POTEJ: variants seen among roughly 807,000 people sequenced by gnomAD.
POTEJ encodes the protein POTE ankyrin domain family, member J.
POTEJ carries 11 observed loss-of-function variants against 69.0 expected under a neutral mutation model. The ratio of observed to expected loss-of-function variants is 0.16; its 90% CI spans 0.10 to 0.26. The LOEUF is 0.26. Ranked by LOEUF, POTEJ falls within the 10% of genes least tolerant of loss-of-function variation. The pLI, the probability that POTEJ is intolerant of heterozygous loss-of-function variation, is 1.00. For missense variants in POTEJ, 327 were observed against 1,045.5 expected (o/e 0.31, Z 9.48); for synonymous variants, 117 against 381.1 (o/e 0.31, Z 8.07).
chr2:130,612,534 G>A (rs1414472888), intron 1 of POTEJ, among the ~76,000 whole-genome samples: 1 of 152,294 alleles, frequency 6.6e-6, no homozygotes, highest in Non-Finnish European at 1.5e-5. Flanking sequence ...TGGGAGGCGG[G>A]CGGATCACGA....
intron 1 of POTEJ, among the ~76,000 whole-genome samples, chr2:130,614,574 A>C (rs544058480): frequency 6.7e-6 from 1 of 148,666 alleles, no homozygotes; most frequent in Admixed American, 6.6e-5. Flanking sequence ...ACACATATAC[A>C]CGAACAGAAT....
At position 130,611,700 on chromosome 2, in the gene POTEJ, A is replaced by C. The variant is rs777955434; in HGVS notation, c.168A>C (p.Thr56=). The C allele has an allele frequency of 7.1e-7, 1 of 1,409,094 alleles. No homozygotes were observed. The highest frequency in any genetic ancestry group is 2.6e-5 in the East Asian group (1 of 38,464). The allele number at this position is 1,409,094 out of a possible 1,614,324, so 87.3% of individuals were successfully genotyped here. ...ACCAGGACGACTCCACTATGAAGAC[A>C]CTCAGGAGCAAGATGGGCAAGTGGT... is the stretch of plus-strand genomic sequence containing the variant. ...SGDQDDSTMK[T]LRSKMGKWCC... is the part of the protein sequence containing the mutation. The change falls in exon 1 of 15, where the codon ACA becomes ACC. Residue 56 remains threonine (T), a synonymous_variant. Coordinates refer to ENST00000409602, the MANE Select transcript of POTEJ (RefSeq NM_001277083.2).
intron 1 of POTEJ, among the ~76,000 whole-genome samples, chr2:130,613,891 G>T (rs1685333256): frequency 7.7e-6 from 1 of 129,900 alleles, no homozygotes; most frequent in Non-Finnish European, 1.6e-5. Context: ...GGGTGCAGTG[G>T]CTTACGCCTG....
intron 14 of POTEJ, among the ~76,000 whole-genome samples, chr2:130,655,343 A>G (rs1686946818): frequency 6.6e-6 from 1 of 152,198 alleles, no homozygotes; most frequent in Non-Finnish European, 1.5e-5. Context: ...CTGAAAACAG[A>G]TTTTCTCGTT....
chr2:130,650,183 G>A (rs1157332428), intron 13 of POTEJ, among the ~76,000 whole-genome samples: 4 of 152,276 alleles, frequency 2.6e-5, no homozygotes, highest in Non-Finnish European at 5.9e-5. Flanking sequence ...TTTGTGTCTT[G>A]ACATCAACTC....
chr2:130,624,932 C>T (rs1319763113), intron 6 of POTEJ, among the ~76,000 whole-genome samples: 1 of 152,098 alleles, frequency 6.6e-6, no homozygotes, highest in Non-Finnish European at 1.5e-5. Context: ...AGATGCTCTG[C>T]TACCATTTGC....
chr2:130,631,089 A>G (rs1685880835), intron 7 of POTEJ, among the ~76,000 whole-genome samples: 1 of 134,592 alleles, frequency 7.4e-6, no homozygotes, highest in South Asian at 2.2e-4. Flanking sequence ...AACACATAAC[A>G]AGTTTAGTCC....
intron 11 of POTEJ, among the ~76,000 whole-genome samples, chr2:130,644,492 A>C (rs1482830428): frequency 6.6e-6 from 1 of 152,244 alleles, no homozygotes; most frequent in Non-Finnish European, 1.5e-5. Flanking sequence ...TATATATTTT[A>C]ATAGATTCTT....
At chr2:130,624,615 C>T (rs2105209701) in intron 6 of POTEJ, among the ~76,000 whole-genome samples, 2 of 152,144 alleles carry the variant, frequency 1.3e-5, no homozygotes, top group East Asian at 3.8e-4. Context: ...CTGCTGCTCA[C>T]CTCCTCCTGT....
intron 9 of POTEJ, 64 bp downstream of exon 9, chr2:130,632,720 C>G: frequency 1.1e-6 from 1 of 890,576 alleles, no homozygotes. Flanking sequence ...CTAGTTTGGG[C>G]TAATATTCAT....
At chr2:130,630,951 T>A (rs1304692108) in intron 7 of POTEJ, among the ~76,000 whole-genome samples, 1 of 144,140 alleles carries the variant, frequency 6.9e-6, no homozygotes, top group South Asian at 2.1e-4. Flanking sequence ...CAGTTAGGAA[T>A]CTTTTAGAAA....
chr2:130,630,903 G>T (rs1282925326), intron 7 of POTEJ, among the ~76,000 whole-genome samples: 1 of 143,380 alleles, frequency 7.0e-6, no homozygotes, highest in Non-Finnish European at 1.5e-5. Flanking sequence ...GTTTGGTGTT[G>T]ATTTCGGCTC....
intron 9 of POTEJ, among the ~76,000 whole-genome samples, chr2:130,638,190 G>A (rs1406181801): frequency 5.3e-5 from 8 of 150,668 alleles, no homozygotes; most frequent in African/African-American, 1.7e-4. Context: ...CTATTTCTTT[G>A]AGCATTTAAA....
intron 1 of POTEJ, among the ~76,000 whole-genome samples, chr2:130,612,432 TG>T (rs1685242791): frequency 6.6e-6 from 1 of 150,732 alleles, no homozygotes; most frequent in African/African-American, 2.4e-5. Flanking sequence ...AATGGGAAGA[TG>T]GTTCCTGTGC....
chr2:130,632,327 C>G (rs544535110), intron 8 of POTEJ, among the ~76,000 whole-genome samples, 163 bp from the exon 9 acceptor site: 1 of 148,104 alleles, frequency 6.8e-6, no homozygotes, highest in East Asian at 1.9e-4. Context: ...ATGATAATTA[C>G]ATCTTAAAGT....
chr2:130,655,473 C>G (rs1194110042), intron 14 of POTEJ, among the ~76,000 whole-genome samples: 4 of 152,246 alleles, frequency 2.6e-5, no homozygotes. Context: ...ATTATCCTTA[C>G]TTTTGCAGAG....
chr2:130,627,181 T>A (rs1229846767), intron 6 of POTEJ, among the ~76,000 whole-genome samples: 1 of 151,734 alleles, frequency 6.6e-6, no homozygotes, highest in Admixed American at 6.6e-5. Context: ...TGTTTTTCTA[T>A]GCATGTTTAA....
chr2:130,623,877 A>AT (rs1189286388), intron 5 of POTEJ, among the ~76,000 whole-genome samples, 187 bp from the exon 6 acceptor site: 2 of 126,326 alleles, frequency 1.6e-5, no homozygotes, highest in Non-Finnish European at 3.3e-5. Context: ...TTCACCTTAC[A>AT]TTTTTTTCGT....
chr2:130,656,415 C>T (rs1016766105), intron 14 of POTEJ, 134 bp from the exon 15 acceptor site: 55 of 1,221,896 alleles, frequency 4.5e-5, no homozygotes, highest in Middle Eastern at 5.7e-4. Context: ...AAGTTTTGTC[C>T]AATTTTTTTC....
Sources: allele counts gnomAD v4.1 joint callset (sites outside exome capture counted in the v4.1 genomes callset), GRCh38; gene constraint gnomAD v4.1.1; transcripts MANE v1.5; gene names NCBI Gene and HGNC (gene_info 2026-07-23, HGNC 2026-07-21).